The following CAMKMT variants were observed in gnomAD, a reference collection of about 807,000 sequenced individuals.
The protein encoded by CAMKMT is CaM KMT.
CAMKMT carries 53 observed loss-of-function variants against 48.0 expected under a neutral mutation model. That is an observed-to-expected ratio of 1.10 (90% confidence interval 0.89 to 1.39). The LOEUF is 1.39. CAMKMT is among the 40% of genes most tolerant of loss of function. CAMKMT has a pLI of 0.00. For synonymous variants in CAMKMT, 165 were observed against 152.3 expected (o/e 1.08, Z -0.61); for missense variants, 428 against 402.7 (o/e 1.06, Z -0.54).
rs1331448539 is a variant in CAMKMT at position 44,542,527 on chromosome 2, ACACACACACACTCT to A, written c.376+152224_376+152237del. On this transcript the variant is annotated intron_variant, in intron 3 of 10. Coordinates refer to ENST00000378494, the MANE Select transcript of CAMKMT (RefSeq NM_024766.5). ...CACACACACACACACACACACACAC[ACACACACACACTCT>A]CTCTCTCTCTCTCTCTTTCTCTCTC... is the stretch of plus-strand genomic sequence containing the variant. Among the ~76,000 whole-genome samples the A allele has an allele frequency of 7.9e-3, 692 of 87,466 alleles. 4 individuals carry two copies. The highest frequency in any genetic ancestry group is 0.02 in the African/African-American group (583 of 29,772). The allele number at this position is 87,466 out of a possible 152,430, so 57.4% of individuals were successfully genotyped here. A position where few individuals can be genotyped will look rare whatever the true frequency, so the allele number is the denominator to read the frequency against.
At chr2:44,489,581 T>A (rs929120378) in intron 3 of CAMKMT, among the ~76,000 whole-genome samples, 1 of 152,026 alleles carries the variant, frequency 6.6e-6, no homozygotes, top group African/African-American at 2.4e-5. Flanking sequence ...GTGGAAGAAC[T>A]CCAAAATGAA....
intron 3 of CAMKMT, among the ~76,000 whole-genome samples, chr2:44,533,187 A>G (rs1666583899): frequency 6.6e-6 from 1 of 152,094 alleles, no homozygotes; most frequent in African/African-American, 2.4e-5. Flanking sequence ...AGATAACTGC[A>G]TCTTTTTTCT....
chr2:44,605,131 A>T (rs949931902), intron 3 of CAMKMT, among the ~76,000 whole-genome samples: 1 of 152,016 alleles, frequency 6.6e-6, no homozygotes, highest in African/African-American at 2.4e-5. Context: ...CTTTTTCTTA[A>T]TTATTTGTGT....
intron 3 of CAMKMT, among the ~76,000 whole-genome samples, chr2:44,463,355 T>C (rs1667944053): frequency 1.3e-5 from 2 of 152,180 alleles, no homozygotes; most frequent in African/African-American, 4.8e-5. Context: ...AAGCCATGAA[T>C]AGTTCTATTG....
chr2:44,595,347 C>G (rs1428115995), intron 3 of CAMKMT, among the ~76,000 whole-genome samples: 1 of 152,184 alleles, frequency 6.6e-6, no homozygotes, highest in African/African-American at 2.4e-5. Context: ...CGCAGGTGAT[C>G]TGCCCGCCTC....
At chr2:44,741,127 T>A (rs989800542) in intron 7 of CAMKMT, among the ~76,000 whole-genome samples, 6 of 152,222 alleles carry the variant, frequency 3.9e-5, no homozygotes, top group Admixed American at 1.3e-4. Flanking sequence ...TCAGTGGACT[T>A]GTATTTGGAA....
intron 3 of CAMKMT, among the ~76,000 whole-genome samples, chr2:44,612,681 A>G (rs967549432): frequency 2.0e-5 from 3 of 152,292 alleles, no homozygotes; most frequent in East Asian, 1.9e-4. Flanking sequence ...CAAAAAATCA[A>G]CATTGGCCAA....
chr2:44,431,803 G>A (rs1209974236), intron 3 of CAMKMT, among the ~76,000 whole-genome samples: 2 of 152,104 alleles, frequency 1.3e-5, no homozygotes. Context: ...AAACCAAGTG[G>A]TAATAGACAA....
intron 3 of CAMKMT, among the ~76,000 whole-genome samples, chr2:44,432,967 C>A (rs1261966137): frequency 6.6e-6 from 1 of 152,054 alleles, no homozygotes; most frequent in Non-Finnish European, 1.5e-5. Context: ...GGTAAATGCT[C>A]AGTAAATATC....
intron 3 of CAMKMT, among the ~76,000 whole-genome samples, chr2:44,591,964 CA>C (rs1297703837): frequency 1.4e-5 from 2 of 147,522 alleles, no homozygotes; most frequent in Admixed American, 7.0e-5. Context: ...ATCACAAGAA[CA>C]AAAAACCAAA....
intron 3 of CAMKMT, among the ~76,000 whole-genome samples, chr2:44,572,602 C>G (rs921126660): frequency 6.6e-6 from 1 of 152,134 alleles, no homozygotes; most frequent in Non-Finnish European, 1.5e-5. Context: ...CACAGGTGTA[C>G]ACATGTCTGT....
At chr2:44,511,923 G>A (rs1670583547) in intron 3 of CAMKMT, among the ~76,000 whole-genome samples, 1 of 152,134 alleles carries the variant, frequency 6.6e-6, no homozygotes, top group South Asian at 2.1e-4. Flanking sequence ...TCTTCTAATA[G>A]TACTGTACTT....
At chr2:44,665,635 T>A (rs916077900) in intron 3 of CAMKMT, among the ~76,000 whole-genome samples, 8 of 152,234 alleles carry the variant, frequency 5.3e-5, no homozygotes, top group African/African-American at 1.9e-4. Flanking sequence ...TGTATTACTG[T>A]GATTTGGGTA....
chr2:44,638,195 G>A (rs1372829164), intron 3 of CAMKMT, among the ~76,000 whole-genome samples: 2 of 152,096 alleles, frequency 1.3e-5, no homozygotes, highest in Non-Finnish European at 2.9e-5. Flanking sequence ...TCATCTTCTG[G>A]AAGGGAGAAA....
intron 3 of CAMKMT, among the ~76,000 whole-genome samples, chr2:44,474,256 G>C (rs984529414): frequency 1.3e-5 from 2 of 152,022 alleles, no homozygotes; most frequent in African/African-American, 4.8e-5. Flanking sequence ...GACTAGCCTG[G>C]CAAACATAGT....
At chr2:44,748,768 T>C (rs996307166) in intron 8 of CAMKMT, among the ~76,000 whole-genome samples, 3 of 151,964 alleles carry the variant, frequency 2.0e-5, no homozygotes, top group Admixed American at 2.0e-4. Context: ...TCCCAGCTAC[T>C]CGGGAGACTG....
intron 3 of CAMKMT, among the ~76,000 whole-genome samples, chr2:44,503,724 G>A (rs698830): frequency 4.6e-5 from 7 of 151,948 alleles, no homozygotes; most frequent in Admixed American, 1.3e-4. Flanking sequence ...TTTCAAGCAC[G>A]CTGTTCTTAG....
rs1037027692 is a variant in CAMKMT, at chr2:44,604,095, G to A, written c.377-100188G>A. On this transcript the variant is annotated intron_variant, in intron 3 of 10. Transcript: ENST00000378494. ...TTAGTGTTTATCACTGAATTTAAGA[G>A]AAGCTCTGAGTTAAAGTCCTCTAGA... Among the ~76,000 whole-genome samples the A allele has an allele frequency of 2.6e-5, 4 of 152,158 alleles. No homozygotes were observed. In the East Asian group the frequency reaches 7.7e-4, roughly 29 times the overall value.
intron 3 of CAMKMT, among the ~76,000 whole-genome samples, chr2:44,698,864 C>T (rs531567351): frequency 4.6e-5 from 7 of 152,330 alleles, no homozygotes; most frequent in African/African-American, 1.7e-4. Flanking sequence ...CCTGCCACTG[C>T]TTTATCAACT....
Sources: allele counts gnomAD v4.1 joint callset (sites outside exome capture counted in the v4.1 genomes callset), GRCh38; gene constraint gnomAD v4.1.1; transcripts MANE v1.5; gene names NCBI Gene and HGNC (gene_info 2026-07-23, HGNC 2026-07-21).